Variants in OPA1 observed in about 807,000 individuals in gnomAD.
The protein encoded by OPA1 is dynamin-like GTPase OPA1, mitochondrial.
Under a neutral mutation model 152.9 loss-of-function variants are expected in OPA1, and 59 were observed. The observed-to-expected ratio is 0.39, with a 90% confidence interval of 0.31 to 0.48. The LOEUF is 0.48. Among genes scored for constraint, OPA1 ranks in the 20% least tolerant of loss-of-function variants. OPA1 has a pLI of 0.96. For missense variants in OPA1, 1,008 were observed against 1,216.8 expected, an observed-to-expected ratio of 0.83 and a Z score of 2.55; for synonymous variants, 400 against 389.9, an observed-to-expected ratio of 1.03 and a Z score of -0.31.
At position 193,650,047 on chromosome 3, in the gene OPA1, G is replaced by T. The variant is rs113219981; in HGVS notation, c.2012+1176G>T. Among the ~76,000 whole-genome samples the T allele has an allele frequency of 3.3e-4, 50 of 152,294 alleles. 1 individual carries two copies. The Middle Eastern group carries it at 0.01, about 31-fold the overall frequency. On this transcript the variant is annotated intron_variant, in intron 21 of 30. Coordinates refer to ENST00000361510, the MANE Select transcript of OPA1 (RefSeq NM_130837.3). ...CAACTAATAATGCTGTTTATGGGGA[G>T]AAAATGTGGTCCTTCTATAAATTAA...
intron 7 of OPA1, among the ~76,000 whole-genome samples, chr3:193,629,748 A>G (rs1193765672): frequency 6.6e-6 from 1 of 152,136 alleles, no homozygotes; most frequent in East Asian, 1.9e-4. Flanking sequence ...TATTTTACCA[A>G]ATTAAGTTAA....
intron 3 of OPA1, among the ~76,000 whole-genome samples, chr3:193,616,032 T>C (rs1490350066): frequency 6.6e-6 from 1 of 152,158 alleles, no homozygotes; most frequent in Admixed American, 6.5e-5. Flanking sequence ...AACTTATCGA[T>C]TGAGACAGGA....
intron 8 of OPA1, 98 bp from the exon 9 acceptor site, chr3:193,635,320 G>A (rs1429967436): frequency 4.2e-6 from 3 of 718,426 alleles, no homozygotes; most frequent in Non-Finnish European, 7.5e-6. Flanking sequence ...TTAAATAGGA[G>A]ATATGACTTC....
intron 1 of OPA1, among the ~76,000 whole-genome samples, chr3:193,607,975 A>G (rs1727555133): frequency 6.6e-6 from 1 of 152,138 alleles, no homozygotes; most frequent in Non-Finnish European, 1.5e-5. Flanking sequence ...GAGGTCTTTC[A>G]CATCCCTTGT....
intron 11 of OPA1, among the ~76,000 whole-genome samples, chr3:193,640,261 T>C (rs1231248487): frequency 1.3e-5 from 2 of 152,190 alleles, no homozygotes; most frequent in Non-Finnish European, 2.9e-5. Context: ...CTGGGCACTC[T>C]GAACATTAAG....
intron 1 of OPA1, among the ~76,000 whole-genome samples, chr3:193,594,263 C>G (rs11921616): frequency 0.014 from 2,183 of 152,230 alleles, 51 homozygotes; most frequent in African/African-American, 0.049. Context: ...ATGCATCAAG[C>G]AAAATTGGAA....
At chr3:193,598,995 T>C (rs1726045370) in intron 1 of OPA1, among the ~76,000 whole-genome samples, 1 of 152,156 alleles carries the variant, frequency 6.6e-6, no homozygotes, top group Non-Finnish European at 1.5e-5. Context: ...GATAAAACCT[T>C]GTGGTGATTG....
In OPA1 at chr3:193,643,550, C is replaced by T. The variant is rs2109044362; in HGVS notation, c.1400C>T (p.Pro467Leu). ...AAGACTGTGACATCAGGCATGGCTC[C>T]TGACACAAAGGAAACTATTTTCAGT... is the stretch of plus-strand genomic sequence containing the variant. ...VINTVTSGMA[P>L]DTKETIFSIS... is the part of the protein sequence containing the mutation. Residue 467 changes from proline (P) to leucine (L), a missense_variant, in exon 15 of 31, where the codon CCT becomes CTT. Pro to Leu is a moderately conservative substitution (Grantham distance 98). Transcript: ENST00000361510. The T allele has an allele frequency of 6.2e-7, 1 of 1,613,832 alleles. No homozygotes were observed. Among genetic ancestry groups the T allele is most frequent in the Non-Finnish European group, 8.5e-7 (1 of 1,179,876 alleles).
intron 1 of OPA1, among the ~76,000 whole-genome samples, chr3:193,594,039 A>C (rs1242039280): frequency 6.6e-6 from 1 of 152,034 alleles, no homozygotes; most frequent in Non-Finnish European, 1.5e-5. Context: ...TTTTGATGCA[A>C]GGTCGTGAAC....
chr3:193,656,331 C>T (rs1216138529), intron 22 of OPA1, among the ~76,000 whole-genome samples: 1 of 152,114 alleles, frequency 6.6e-6, no homozygotes, highest in African/African-American at 2.4e-5. Flanking sequence ...CCACTCACTC[C>T]GTATTTTTGG....
intron 29 of OPA1, among the ~76,000 whole-genome samples, chr3:193,679,633 T>G (rs1719808251): frequency 6.6e-6 from 1 of 152,222 alleles, no homozygotes; most frequent in African/African-American, 2.4e-5. Context: ...CTGTTCATCA[T>G]TAGTCTCTGG....
At chr3:193,635,307 AT>A in intron 8 of OPA1, 110 bp from the exon 9 acceptor site, 1 of 661,224 alleles carries the variant, frequency 1.5e-6, no homozygotes, top group African/African-American at 1.8e-5. Context: ...AATGTAATAC[AT>A]TTTAAATAGG....
rs765923752 is a variant in OPA1 at position 193,696,134 on chromosome 3, C to G, written c.*1534C>G. ...GGAGATGACCTTACTGGGTACACCC[C>G]TCTAACCAGTGCTTACAGGTTAATG... On this transcript the variant is annotated 3_prime_UTR_variant, in exon 31 of 31. Coordinates refer to ENST00000361510, the MANE Select transcript of OPA1 (RefSeq NM_130837.3). 6.6e-6 allele frequency: 1 copy of G among 152,210 alleles called. No individual in the cohort carries two copies. Among genetic ancestry groups the G allele is most frequent in the East Asian group, 1.9e-4 (1 of 5,200 alleles). The allele number at this position is 152,210 out of a possible 1,614,324, so 9.4% of individuals were successfully genotyped here.
chr3:193,643,044 C>T lies in OPA1; in HGVS notation c.1300C>T (p.Pro434Ser), dbSNP rs762004680. The T allele has an allele frequency of 2.6e-5, 42 of 1,609,802 alleles. No individual in the cohort carries two copies. The highest frequency in any genetic ancestry group is 3.5e-5 in the Non-Finnish European group (41 of 1,176,328). The change falls in exon 13 of 31, where the codon CCT becomes TCT. Residue 434 changes from proline (P) to serine (S), a missense_variant. This residue lies in a region of OPA1 where 213 missense variants were observed against 291.4 expected (regional missense o/e 0.73). Transcript: ENST00000361510. The part of the protein sequence containing the change: ...KNVKEGCTVS[P>S]ETISLNVKGP... ...TGTGAAAGAAGGCTGTACCGTTAGC[C>T]CTGAGGTAAGGGTTGCAATTCATTT...
rs1170133760 is a variant in OPA1, at chr3:193,666,311, G to A, written c.2794G>A (p.Val932Met). ...FVDSELECNDVVLFWRIQRML... is the reference protein window; with the variant it reads ...FVDSELECNDMVLFWRIQRML... ...AATATTTCAGTTGGAATGCAATGATGTGGTCTTGTTTTGGCGTATACAGCG... is the reference window on the plus strand; with the variant it reads ...AATATTTCAGTTGGAATGCAATGATATGGTCTTGTTTTGGCGTATACAGCG... The change falls in exon 28 of 31, where the codon GTG (valine) becomes ATG (methionine). Residue 932 changes from valine to methionine, a missense_variant. Around this residue, in one of 7 missense-constraint regions of OPA1, gnomAD observed 137 missense variants for 171.0 expected, o/e 0.80. Transcript: ENST00000361510. 1.2e-6 allele frequency: 2 copies of A among 1,613,946 alleles called. No individual in the cohort carries two copies. The highest frequency in any genetic ancestry group is 1.3e-5 in the African/African-American group (1 of 74,940).
rs1334843297 is a variant in OPA1 at position 193,683,043 on chromosome 3, C to G, written c.2984-9020C>G. Among the ~76,000 whole-genome samples the G allele has an allele frequency of 1.3e-5, 2 of 151,844 alleles. 1 individual carries two copies. Among genetic ancestry groups the G allele is most frequent in the Non-Finnish European group, 2.9e-5 (2 of 67,992 alleles). ...TCACCATTTTAGATGCTGTTAAGAC[C>G]ATTCAGGATTCATGGGAGGAGGTCA... On this transcript the variant is annotated intron_variant, in intron 29 of 30. Transcript: ENST00000361510.
intron 22 of OPA1, among the ~76,000 whole-genome samples, chr3:193,656,491 G>A (rs1374020241): frequency 6.6e-6 from 1 of 152,172 alleles, no homozygotes; most frequent in Non-Finnish European, 1.5e-5. Context: ...ATAATACAAA[G>A]CTGAATACTC....
intron 29 of OPA1, among the ~76,000 whole-genome samples, chr3:193,683,010 G>A (rs1720401705): frequency 6.6e-6 from 1 of 152,106 alleles, no homozygotes; most frequent in African/African-American, 2.4e-5. Flanking sequence ...AAAGCTTCTG[G>A]AAAGGACTCA....
chr3:193,594,183 A>T (rs1439886752), intron 1 of OPA1, among the ~76,000 whole-genome samples: 1 of 152,172 alleles, frequency 6.6e-6, no homozygotes, highest in Non-Finnish European at 1.5e-5. Flanking sequence ...TTTTATAGGA[A>T]ATTTTGTTCT....
Sources: allele counts gnomAD v4.1 joint callset (sites outside exome capture counted in the v4.1 genomes callset), GRCh38; gene constraint gnomAD v4.1.1; regional missense constraint gnomAD v4.1.1; transcripts MANE v1.5; gene names NCBI Gene and HGNC (gene_info 2026-07-23, HGNC 2026-07-21).